Variants in SORD observed in about 807,000 individuals in gnomAD.
SORD encodes sorbitol dehydrogenase.
A neutral mutation model predicts 35.6 loss-of-function variants in SORD; 18 were observed. The ratio of observed to expected loss-of-function variants is 0.51; its 90% CI spans 0.35 to 0.75. The LOEUF is 0.75. Among genes scored for constraint, SORD ranks in the 30% least tolerant of loss-of-function variants. SORD has a pLI of 0.01. For missense variants in SORD, 250 were observed against 390.2 expected (o/e 0.64, Z 3.03); for synonymous variants, 106 against 152.9 (o/e 0.69, Z 2.26).
chr15:45,023,448 C>A, intron 1 of SORD, 99 bp downstream of exon 1: 1 of 1,111,338 alleles, frequency 9.0e-7, no homozygotes, highest in Non-Finnish European at 1.2e-6. Context: ...TGGCGCCGGC[C>A]CCGCACCTTA....
chr15:45,073,229 G>T, intron 8 of SORD, 136 bp from the exon 9 acceptor site: 2 of 497,032 alleles, frequency 4.0e-6, no homozygotes, highest in Non-Finnish European at 6.9e-6. Flanking sequence ...TTCCTGGGTT[G>T]TTGGCCTGTA....
At chr15:45,067,557 T>G (rs1388608890) in intron 5 of SORD, among the ~76,000 whole-genome samples, 1 of 152,226 alleles carries the variant, frequency 6.6e-6, no homozygotes, top group Non-Finnish European at 1.5e-5. Flanking sequence ...TAGTCTGCAT[T>G]GCTTTCATTC....
intron 1 of SORD, among the ~76,000 whole-genome samples, chr15:45,029,466 C>T (rs1892735242): frequency 1.3e-5 from 2 of 152,284 alleles, no homozygotes; most frequent in African/African-American, 4.8e-5. Flanking sequence ...CAGGCACTGA[C>T]ACAGGAGCAA....
chr15:45,059,102 C>T (rs1294105446), intron 3 of SORD, among the ~76,000 whole-genome samples: 1 of 152,154 alleles, frequency 6.6e-6, no homozygotes, highest in East Asian at 1.9e-4. Flanking sequence ...TTGATTTTTC[C>T]AAGCTGCTCT....
At chr15:45,038,162 TCCTTC>T (rs1322063969) in intron 1 of SORD, among the ~76,000 whole-genome samples, 1 of 149,784 alleles carries the variant, frequency 6.7e-6, no homozygotes, top group East Asian at 2.0e-4. Flanking sequence ...CTTCCTTCCT[TCCTTC>T]CTTCCTTCCT....
rs1210531924 is a variant in SORD, at chr15:45,044,117, T to C, written c.265+696T>C. ...CACATGGAGAGGGATTGACCAGCTG[T>C]GAAGCAGTCAGGCATGTGTCTTGTT... On this transcript the variant is annotated intron_variant, in intron 3 of 8. Transcript: ENST00000267814. Among the ~76,000 whole-genome samples the C allele has an allele frequency of 1.3e-5, 2 of 152,234 alleles. 1 individual carries two copies. Among genetic ancestry groups the C allele is most frequent in the East Asian group, 3.8e-4 (2 of 5,204 alleles).
intron 1 of SORD, among the ~76,000 whole-genome samples, chr15:45,034,006 C>T (rs1289405430): frequency 1.3e-5 from 2 of 152,142 alleles, no homozygotes; most frequent in Admixed American, 1.3e-4. Flanking sequence ...TCTTGGGGCG[C>T]TGTGCAGGAG....
At chr15:45,059,125 A>G (rs1237665279) in intron 3 of SORD, among the ~76,000 whole-genome samples, 1 of 152,102 alleles carries the variant, frequency 6.6e-6, no homozygotes, top group Non-Finnish European at 1.5e-5. Context: ...ATGTGCCTGC[A>G]GCTTGATTTT....
At chr15:45,023,479 C>A in intron 1 of SORD, 130 bp downstream of exon 1, 1 of 754,324 alleles carries the variant, frequency 1.3e-6, no homozygotes, top group Non-Finnish European at 1.9e-6. Flanking sequence ...CTGCCCAGAT[C>A]CCAGCTGGTT....
chr15:45,048,642 A>T (rs1893082095), intron 3 of SORD, among the ~76,000 whole-genome samples: 1 of 152,220 alleles, frequency 6.6e-6, no homozygotes, highest in African/African-American at 2.4e-5. Context: ...GTCTAGGGTC[A>T]ACATAGCAAT....
chr15:45,029,695 G>A (rs1224718929), intron 1 of SORD, among the ~76,000 whole-genome samples: 1 of 152,274 alleles, frequency 6.6e-6, no homozygotes, highest in African/African-American at 2.4e-5. Context: ...GGTGGGCCCT[G>A]AGCTCTTGTC....
chr15:45,064,727 G>A (rs1292126860), intron 4 of SORD, among the ~76,000 whole-genome samples: 1 of 152,198 alleles, frequency 6.6e-6, no homozygotes, highest in Non-Finnish European at 1.5e-5. Flanking sequence ...AGGATTGTTT[G>A]CTAAAGTGAA....
intron 3 of SORD, among the ~76,000 whole-genome samples, chr15:45,055,168 T>A (rs1159154279): frequency 1.3e-5 from 2 of 152,208 alleles, no homozygotes; most frequent in African/African-American, 4.8e-5. Flanking sequence ...AATAGTTTTT[T>A]CCAATTCTGT....
chr15:45,032,717 T>C (rs1202145335), intron 1 of SORD, among the ~76,000 whole-genome samples: 1 of 152,176 alleles, frequency 6.6e-6, no homozygotes, highest in Non-Finnish European at 1.5e-5. Flanking sequence ...GGAGACCAGC[T>C]CACTGGACCT....
At chr15:45,036,744 C>T (rs1892874859) in intron 1 of SORD, among the ~76,000 whole-genome samples, 1 of 151,794 alleles carries the variant, frequency 6.6e-6, no homozygotes. Context: ...GAAAGAAATT[C>T]GTTTAGGAAA....
chr15:45,037,793 G>T (rs181449455), intron 1 of SORD, among the ~76,000 whole-genome samples: 328 of 151,824 alleles, frequency 2.2e-3, no homozygotes, highest in African/African-American at 7.8e-3. Context: ...ACACACCAGG[G>T]CCTGTCAGGG....
chr15:45,055,146 T>A (rs1893194907), intron 3 of SORD, among the ~76,000 whole-genome samples: 2 of 152,304 alleles, frequency 1.3e-5, no homozygotes, highest in South Asian at 2.1e-4. Context: ...TTTGGTTCCA[T>A]ATGAACTTTA....
chr15:45,029,916 G>A (rs1283342061), intron 1 of SORD, among the ~76,000 whole-genome samples: 1 of 152,262 alleles, frequency 6.6e-6, no homozygotes, highest in African/African-American at 2.4e-5. Flanking sequence ...TATAGGCACA[G>A]GATAGGAAGT....
intron 3 of SORD, among the ~76,000 whole-genome samples, chr15:45,048,573 A>T (rs543237283): frequency 6.6e-6 from 1 of 152,280 alleles, no homozygotes; most frequent in South Asian, 2.1e-4. Context: ...GCAAAAACAA[A>T]AACAAAAATC....
Sources: gnomAD v4.1 joint callset for allele counts (sites outside exome capture counted in the v4.1 genomes callset) on GRCh38, gnomAD v4.1.1 for gene constraint, MANE v1.5 for transcripts, NCBI Gene and HGNC (gene_info 2026-07-23, HGNC 2026-07-21) for gene names.